The following HP1BP3 variants were observed in gnomAD, a reference collection of about 807,000 sequenced individuals.
HP1BP3 encodes the protein heterochromatin protein 1-binding protein 3.
In HP1BP3, 12 loss-of-function variants were observed where a neutral mutation model predicts 62.5. That is an observed-to-expected ratio of 0.19 (90% CI 0.12 to 0.31). The LOEUF is 0.31. Ranked by LOEUF, HP1BP3 falls within the 10% of genes least tolerant of loss-of-function variation. HP1BP3 has a pLI of 1.00. For synonymous variants in HP1BP3, 260 were observed against 237.8 expected, an observed-to-expected ratio of 1.09 and a Z score of -0.86; for missense variants, 502 against 651.8, an observed-to-expected ratio of 0.77 and a Z score of 2.50.
Position 20,758,991 on chromosome 1 carries a change from A to G in HP1BP3, c.891-1735T>C, listed in dbSNP as rs536007835. Among the ~76,000 whole-genome samples, 10 of 152,280 alleles carry G rather than the reference A, an allele frequency of 6.6e-5. No homozygotes were observed. The South Asian group carries it at 1.9e-3, about 28-fold the overall frequency. On this transcript the variant is annotated intron_variant, in intron 8 of 12. Coordinates refer to ENST00000438032, the MANE Select transcript of HP1BP3 (RefSeq NM_001372052.1). ...TGGTTGGTCATTATCAACCAAATAC[A>G]ACGTGTGGGCCATGTTAGGAAAAAC... is the stretch of plus-strand genomic sequence containing the variant.
Position 20,780,357 on chromosome 1 carries a change from G to C in HP1BP3, c.84C>G (p.Asp28Glu). ...TGTCAGCCCCTACCTCACCTAACTTGTCCGCGTGGATCAGCTGAGCTCCTA... is the reference window on the plus strand; with the variant it reads ...TGTCAGCCCCTACCTCACCTAACTTCTCCGCGTGGATCAGCTGAGCTCCTA... ...LIVGAQLIHADKLGEKVEDST... is the reference protein window; with the variant it reads ...LIVGAQLIHAEKLGEKVEDST... The change falls in exon 2 of 13, where the codon GAC (aspartate) becomes GAG (glutamate). Residue 28 changes from aspartate (D) to glutamate (E), a missense_variant. By Grantham distance (45) the Asp-to-Glu change is conservative (BLOSUM62 2). Coordinates refer to ENST00000438032, the MANE Select transcript of HP1BP3 (RefSeq NM_001372052.1). 1 of 1,612,738 alleles carries C rather than the reference G, an allele frequency of 6.2e-7. No individual in the cohort carries two copies. Among genetic ancestry groups the C allele is most frequent in the Non-Finnish European group, 8.5e-7 (1 of 1,178,718 alleles).
Position 20,749,759 on chromosome 1 carries a change from G to A in HP1BP3, c.1105C>T (p.Leu369=), listed in dbSNP as rs1297954280. The A allele has an allele frequency of 6.2e-7, 1 of 1,613,786 alleles. No individual in the cohort carries two copies. Among genetic ancestry groups the A allele is most frequent in the East Asian group, 2.2e-5 (1 of 44,880 alleles). ...CSTTALKKYV[L]ENHPGTNSNY... is the part of the protein sequence containing the mutation. ...GAATTGGTTCCTGGGTGATTCTCTA[G>A]GACATACTTCTTCAGAGCAGTGGTA... The change falls in exon 10 of 13, where the codon CTA becomes TTA. Residue 369 remains leucine, a synonymous_variant. Coordinates refer to ENST00000438032, the MANE Select transcript of HP1BP3 (RefSeq NM_001372052.1).
intron 6 of HP1BP3, among the ~76,000 whole-genome samples, chr1:20,767,956 A>G (rs934341680): frequency 6.6e-6 from 1 of 152,222 alleles, no homozygotes. Context: ...ACAGTTTATT[A>G]AAAACTTTCA....
At chr1:20,747,701 T>C in intron 10 of HP1BP3, 46 bp from the exon 11 acceptor site, 1 of 1,203,826 alleles carries the variant, frequency 8.3e-7, no homozygotes, top group Non-Finnish European at 1.2e-6. Flanking sequence ...TTATTCAGAT[T>C]AGATAATTCC....
intron 9 of HP1BP3, 99 bp downstream of exon 9, chr1:20,757,067 G>T: frequency 1.5e-6 from 1 of 659,332 alleles, no homozygotes. Flanking sequence ...ATAAACAAAA[G>T]TTCTTTGAGG....
rs1164930528 is a variant in HP1BP3 at position 20,783,769 on chromosome 1, C to CAAAAAA, written c.-100-3235_-100-3230dup. 5.5e-3 allele frequency among the ~76,000 whole-genome samples: 291 copies of CAAAAAA among 53,108 alleles called. 12 individuals carry two copies. The highest frequency in any genetic ancestry group is 0.018 in the East Asian group (20 of 1,096). The allele number at this position is 53,108 out of a possible 152,430, so 34.8% of individuals were successfully genotyped here. On this transcript the variant is annotated intron_variant, in intron 1 of 12. Coordinates refer to ENST00000438032, the MANE Select transcript of HP1BP3 (RefSeq NM_001372052.1). The stretch of plus-strand genomic sequence containing the variant: ...TGGGTAACAGTGTGAGACTCTGTCT[C>CAAAAAA]AAAAAAAAAAAAAAAAAAAAAAAAA...
chr1:20,747,752 A>T, intron 10 of HP1BP3, 97 bp from the exon 11 acceptor site: 1 of 698,572 alleles, frequency 1.4e-6, no homozygotes, highest in Non-Finnish European at 2.5e-6. Context: ...ATATCCTGTC[A>T]CATACGGTAA....
intron 3 of HP1BP3, among the ~76,000 whole-genome samples, chr1:20,777,518 C>T (rs1268792881): frequency 2.0e-5 from 3 of 151,778 alleles, no homozygotes; most frequent in Non-Finnish European, 2.9e-5. Context: ...AGTGCTGTGG[C>T]GCAATCTTGG....
Position 20,741,722 on chromosome 1 carries a change from A to C in HP1BP3, c.*3075T>G, listed in dbSNP as rs963061390. Among the ~76,000 whole-genome samples the C allele has an allele frequency of 1.3e-5, 2 of 152,240 alleles. No individual in the cohort carries two copies. The highest frequency in any genetic ancestry group is 4.8e-5 in the African/African-American group (2 of 41,468). ...GCACTTTCTGAGACTCATTTATCAA[A>C]GGTAGCTTGTAGGTAGTTTCAGAGT... On this transcript the variant is annotated 3_prime_UTR_variant, in exon 13 of 13. Transcript: ENST00000438032.
At position 20,748,655 on chromosome 1, in the gene HP1BP3, G is replaced by T. The variant is rs112246416; in HGVS notation, c.1142-1000C>A. Among the ~76,000 whole-genome samples the T allele has an allele frequency of 2.2e-3, 338 of 152,214 alleles. 1 individual carries two copies. The highest frequency in any genetic ancestry group is 7.5e-3 in the African/African-American group (310 of 41,516). On this transcript the variant is annotated intron_variant, in intron 10 of 12. Transcript: ENST00000438032. ...GGTGCCTGTAGTCCCAGCTACTCAG[G>T]GGGTGGAGGTAGGAGAATGGCGTGA...
intron 8 of HP1BP3, among the ~76,000 whole-genome samples, chr1:20,763,621 T>C (rs1453907623): frequency 6.6e-6 from 1 of 152,222 alleles, no homozygotes; most frequent in Admixed American, 6.5e-5. Context: ...CTAGAAGTCA[T>C]CTCACACAAA....
intron 1 of HP1BP3, among the ~76,000 whole-genome samples, chr1:20,786,931 A>G: frequency 6.6e-6 from 1 of 150,912 alleles, no homozygotes; most frequent in East Asian, 2.0e-4. Context: ...CAAACAAAAC[A>G]AGGGCGGGAG....
intron 10 of HP1BP3, 100 bp downstream of exon 10, chr1:20,749,623 T>C: frequency 4.3e-6 from 5 of 1,162,220 alleles, no homozygotes; most frequent in Non-Finnish European, 6.1e-6. Context: ...CCTCCCAAAG[T>C]GCTGGGATTA....
rs1383994172 is a variant in HP1BP3 at position 20,770,923 on chromosome 1, G to C, written c.654+7C>G. The C allele has an allele frequency of 6.3e-7, 1 of 1,590,906 alleles. No homozygotes were observed. Among genetic ancestry groups the C allele is most frequent in the South Asian group, 1.2e-5 (1 of 86,418 alleles). On this transcript the variant is annotated splice_region_variant and intron_variant, in intron 6 of 12. Transcript: ENST00000438032. Reference sequence around the variant, plus strand: ...AAATGATCTTACTACTAACAATTGTGTAATACCTGTTTGATGACTCCTCTA... The same window carrying C: ...AAATGATCTTACTACTAACAATTGTCTAATACCTGTTTGATGACTCCTCTA...
chr1:20,774,880 A>C (rs2057231990), intron 4 of HP1BP3: 1 of 152,238 alleles, frequency 6.6e-6, no homozygotes, highest in African/African-American at 2.4e-5. Flanking sequence ...GCTACTTGGC[A>C]GGTTGAGGCA....
intron 6 of HP1BP3, among the ~76,000 whole-genome samples, chr1:20,768,582 A>G (rs1265175067): frequency 6.6e-6 from 1 of 151,950 alleles, no homozygotes; most frequent in Non-Finnish European, 1.5e-5. Context: ...GTTCATTCCT[A>G]TAATCCCAGC....
chr1:20,782,549 A>T (rs1484089749), intron 1 of HP1BP3, among the ~76,000 whole-genome samples: 1 of 151,784 alleles, frequency 6.6e-6, no homozygotes, highest in Non-Finnish European at 1.5e-5. Context: ...GAGCCACTGC[A>T]TTCCAGCCTA....
chr1:20,744,558 A>G lies in HP1BP3; in HGVS notation c.*239T>C. The G allele has an allele frequency of 2.2e-6, 1 of 457,868 alleles. No homozygotes were observed. Among genetic ancestry groups the G allele is most frequent in the East Asian group, 4.0e-5 (1 of 25,154 alleles). The allele number at this position is 457,868 out of a possible 1,614,324, so 28.4% of individuals were successfully genotyped here. A position where few individuals can be genotyped will look rare whatever the true frequency, so the allele number is the denominator to read the frequency against. ...GAAAAAGGACAAGTATACATTACAT[A>G]GTTTAGGAAAGTCCAGGATTATTGC... On this transcript the variant is annotated 3_prime_UTR_variant, in exon 13 of 13. Transcript: ENST00000438032.
At position 20,745,574 on chromosome 1, in the gene HP1BP3, A is replaced by T; in HGVS notation, c.1336T>A (p.Ser446Thr). The change falls in exon 12 of 13, where the codon TCT becomes ACT. Residue 446 changes from serine to threonine, a missense_variant. Physicochemically the swap from Ser to Thr is moderately conservative, Grantham distance 58 (BLOSUM62 1). Transcript: ENST00000438032. ...TTAGGTGGCGGCTCTTCATCCTCAGAGTCTTCTTCTGATGACTCATCTTCA... is the reference window on the plus strand; with the variant it reads ...TTAGGTGGCGGCTCTTCATCCTCAGTGTCTTCTTCTGATGACTCATCTTCA... ...EDEDESSEED[S>T]EDEEPPPKRR... The T allele has an allele frequency of 6.2e-7, 1 of 1,614,032 alleles. No homozygotes were observed. Among genetic ancestry groups the T allele is most frequent in the African/African-American group, 1.3e-5 (1 of 75,042 alleles).
Sources: allele counts gnomAD v4.1 joint callset (sites outside exome capture counted in the v4.1 genomes callset), GRCh38; gene constraint gnomAD v4.1.1; transcripts MANE v1.5; gene names NCBI Gene and HGNC (gene_info 2026-07-23, HGNC 2026-07-21).